The following RIMS3 variants were observed in gnomAD, a reference collection of about 807,000 sequenced individuals.
The protein encoded by RIMS3 is regulating synaptic membrane exocytosis 3.
In RIMS3, 15 loss-of-function variants were observed where a neutral mutation model predicts 29.2. The ratio of observed to expected loss-of-function variants is 0.51; its 90% CI spans 0.34 to 0.79. RIMS3 has a LOEUF of 0.79. Ranked by LOEUF, RIMS3 falls within the 30% of genes least tolerant of loss-of-function variation. RIMS3 has a pLI of 0.01. For missense variants in RIMS3, 342 were observed against 421.4 expected (o/e 0.81, Z 1.65); for synonymous variants, 161 against 170.1 (o/e 0.95, Z 0.41).
rs1646512138 is a variant in RIMS3 at position 40,635,243 on chromosome 1, G to C, written c.359+673C>G. 6.6e-6 allele frequency among the ~76,000 whole-genome samples: 1 copy of C among 152,170 alleles called. No individual in the cohort carries two copies. Reference sequence around the variant, plus strand: ...TCATAGACTTAGAAGAGATCTGTGGGAATATCTAAACCAGTGACTTTCAGA... The same window carrying C: ...TCATAGACTTAGAAGAGATCTGTGGCAATATCTAAACCAGTGACTTTCAGA... On this transcript the variant is annotated intron_variant, in intron 4 of 7. Coordinates refer to ENST00000372684, the MANE Select transcript of RIMS3 (RefSeq NM_014747.3). The surrounding 1 kb of genome is among the most constrained non-coding windows in gnomAD (Gnocchi z 4.1).
the RIMS3 span, among the ~76,000 whole-genome samples, chr1:40,678,190 T>C: frequency 6.6e-6 from 1 of 152,110 alleles, no homozygotes; most frequent in Non-Finnish European, 1.5e-5. Flanking sequence ...GGTGGATCAC[T>C]TGAGGTCAGG....
intron 4 of RIMS3, among the ~76,000 whole-genome samples, chr1:40,634,968 C>T (rs865798326): frequency 8.0e-5 from 12 of 150,920 alleles, no homozygotes; most frequent in East Asian, 3.9e-4. Flanking sequence ...AAAAAAACAA[C>T]GATCACTGTT....
At chr1:40,670,355 A>G (rs937244736), upstream of RIMS3, among the ~76,000 whole-genome samples, 2 of 151,662 alleles carry the variant, frequency 1.3e-5, no homozygotes, top group Admixed American at 1.3e-4. Context: ...ATGCTCCCCA[A>G]GGCATCCCAT....
At chr1:40,679,409 G>T in the RIMS3 span, among the ~76,000 whole-genome samples, 1 of 152,228 alleles carries the variant, frequency 6.6e-6, no homozygotes, top group Non-Finnish European at 1.5e-5. Flanking sequence ...GAGTGGGAAA[G>T]ATAGAGTGGA....
chr1:40,626,502 C>T lies in RIMS3; in HGVS notation c.*15G>A. ...CCCCTCCCCACACCACCATCCTGGC[C>T]TCTTCCTGACATCCTTAAGAGCATG... On this transcript the variant is annotated 3_prime_UTR_variant, in exon 8 of 8. Coordinates refer to ENST00000372684, the MANE Select transcript of RIMS3 (RefSeq NM_014747.3). 6.3e-7 allele frequency: 1 copy of T among 1,589,304 alleles called. No homozygotes were observed. Among genetic ancestry groups the T allele is most frequent in the Non-Finnish European group, 8.6e-7 (1 of 1,167,434 alleles).
At chr1:40,628,503 C>T (rs535290944) in intron 7 of RIMS3, among the ~76,000 whole-genome samples, 1 of 152,324 alleles carries the variant, frequency 6.6e-6, no homozygotes, top group East Asian at 1.9e-4. Context: ...TAACACAAGG[C>T]TTGGCACTGA....
rs1486389746 is a variant in RIMS3 at position 40,623,311 on chromosome 1, T to G, written c.*3206A>C. ...AAGTTCCCCTTGTCAAACCAAGACT[T>G]GGCTCCATTTACTGGAGCCTTTTTC... On this transcript the variant is annotated 3_prime_UTR_variant, in exon 8 of 8. Transcript: ENST00000372684. The G allele has an allele frequency of 5.0e-6, 2 of 398,132 alleles. No individual in the cohort carries two copies. The highest frequency in any genetic ancestry group is 8.8e-6 in the Non-Finnish European group (2 of 225,998). The allele number at this position is 398,132 out of a possible 1,614,324, so 24.7% of individuals were successfully genotyped here.
chr1:40,653,019 G>A (rs540989145), intron 1 of RIMS3, among the ~76,000 whole-genome samples: 30 of 152,300 alleles, frequency 2.0e-4, no homozygotes, highest in African/African-American at 7.2e-4. Context: ...GGATGGGGGT[G>A]AGAGGTGCCA....
At chr1:40,688,074 C>T in the RIMS3 span, among the ~76,000 whole-genome samples, 1 of 152,182 alleles carries the variant, frequency 6.6e-6, no homozygotes, top group African/African-American at 2.4e-5. Flanking sequence ...AAGTGATTCT[C>T]CTGCCTCAGC....
At chr1:40,682,741 C>CTTTTATTTTTTTTTTTTTT in the RIMS3 span, among the ~76,000 whole-genome samples, 1 of 77,514 alleles carries the variant, frequency 1.3e-5, no homozygotes, top group African/African-American at 5.5e-5. Context: ...CTTTGCAGAT[C>CTTTTATTTTTTTTTTTTTT]TTTTTTTTTT....
At chr1:40,690,498 A>G in the RIMS3 span, 1 of 151,722 alleles carries the variant, frequency 6.6e-6, no homozygotes, top group Non-Finnish European at 1.5e-5. Flanking sequence ...TATTTCATTC[A>G]CTCTCCCCAA....
At chr1:40,691,426 TA>T in the RIMS3 span, 1 of 250,848 alleles carries the variant, frequency 4.0e-6, no homozygotes, top group South Asian at 3.3e-5. Flanking sequence ...ACTTATTTCC[TA>T]AAATTCAAGC....
intron 2 of RIMS3, among the ~76,000 whole-genome samples, 160 bp from the exon 3 acceptor site, chr1:40,642,116 T>C (rs1203483473): frequency 6.6e-6 from 1 of 152,242 alleles, no homozygotes; most frequent in Non-Finnish European, 1.5e-5. Context: ...GCACAGGTTC[T>C]GGCTCAATAA....
chr1:40,664,892 C>T (rs1191697427), intron 1 of RIMS3, among the ~76,000 whole-genome samples: 1 of 152,098 alleles, frequency 6.6e-6, no homozygotes, highest in Non-Finnish European at 1.5e-5. Flanking sequence ...CCAAAGCCCC[C>T]TCTTCCCACC....
At chr1:40,629,504 A>G in intron 5 of RIMS3, 132 bp from the exon 6 acceptor site, 1 of 764,086 alleles carries the variant, frequency 1.3e-6, no homozygotes, top group Non-Finnish European at 2.3e-6. Flanking sequence ...CACCAACCAC[A>G]TGGGCCAAAA....
At chr1:40,629,686 A>G (rs933418166) in intron 5 of RIMS3, among the ~76,000 whole-genome samples, 2 of 152,136 alleles carry the variant, frequency 1.3e-5, no homozygotes, top group East Asian at 1.9e-4. Context: ...TGAGCAGAAT[A>G]GCAAACTTGA....
Position 40,636,327 on chromosome 1 carries a change from C to T in RIMS3, c.218-270G>A, listed in dbSNP as rs907109767. Among the ~76,000 whole-genome samples the T allele has an allele frequency of 6.6e-6, 1 of 152,202 alleles. No individual in the cohort carries two copies. The highest frequency in any genetic ancestry group is 1.5e-5 in the Non-Finnish European group (1 of 68,028). ...TCATGATGGCGCCACCACGCAGAGC[C>T]GCAGATCCGCAGCTGGGGCCCTCGC... On this transcript the variant is annotated intron_variant, in intron 3 of 7. Coordinates refer to ENST00000372684, the MANE Select transcript of RIMS3 (RefSeq NM_014747.3). The surrounding 1 kb of genome is among the most constrained non-coding windows in gnomAD (Gnocchi z 4.2).
Position 40,633,066 on chromosome 1 carries a change from C to G in RIMS3, c.472+3G>C. ...CACTCAACCTGCCCTTAATAAGACT[C>G]ACCCATGGGTGGTGTTGCCAGTGTC... On this transcript the variant is annotated splice_donor_region_variant and intron_variant, in intron 5 of 7. Transcript: ENST00000372684. 6.2e-7 allele frequency: 1 copy of G among 1,613,322 alleles called. No homozygotes were observed. Among genetic ancestry groups the G allele is most frequent in the Non-Finnish European group, 8.5e-7 (1 of 1,179,240 alleles).
chr1:40,687,849 A>G, the RIMS3 span, among the ~76,000 whole-genome samples: 89 of 152,240 alleles, frequency 5.8e-4, 1 homozygote, highest in Admixed American at 4.6e-3. Context: ...TTCAAGACCC[A>G]GTTCAAATGT....
Sources: gnomAD v4.1 joint callset for allele counts (sites outside exome capture counted in the v4.1 genomes callset) on GRCh38, gnomAD v4.1.1 for gene constraint, Gnocchi (gnomAD v3.1) non-coding constraint, MANE v1.5 for transcripts, NCBI Gene and HGNC (gene_info 2026-07-23, HGNC 2026-07-21) for gene names.